Variants in PCDHA4 observed in about 807,000 individuals in gnomAD.
PCDHA4 encodes protocadherin alpha-4.
Under a neutral mutation model 61.4 loss-of-function variants are expected in PCDHA4, and 49 were observed. That is an observed-to-expected ratio of 0.80 (90% CI 0.63 to 1.01). PCDHA4 has a LOEUF of 1.01. PCDHA4 is among the 50% of genes least tolerant of loss of function. The pLI, the probability that PCDHA4 is intolerant of heterozygous loss-of-function variation, is 0.00. For synonymous variants in PCDHA4, 590 were observed against 550.3 expected, an observed-to-expected ratio of 1.07 and a Z score of -1.01; for missense variants, 1,254 against 1,235.8, an observed-to-expected ratio of 1.01 and a Z score of -0.22.
chr5:140,928,158 AC>A, intron 1 of PCDHA4: 7 of 1,614,066 alleles, frequency 4.3e-6, no homozygotes, highest in Non-Finnish European at 5.9e-6. Flanking sequence ...ATAGTGGCTC[AC>A]CCCCACTTAG....
chr5:140,842,856 C>G, intron 1 of PCDHA4: 1 of 1,593,922 alleles, frequency 6.3e-7, no homozygotes, highest in Non-Finnish European at 8.6e-7. Flanking sequence ...TCGGTGCACA[C>G]GGAGAGCGGC....
chr5:140,829,741 G>T (rs1770531825), intron 1 of PCDHA4: 4 of 1,613,668 alleles, frequency 2.5e-6, no homozygotes, highest in Non-Finnish European at 3.4e-6. Context: ...GCAACGTGAC[G>T]CTGCAGGTGT....
At position 140,823,889 on chromosome 5, in the gene PCDHA4, C is replaced by G. The variant is rs2150130096; in HGVS notation, c.2385+14317C>G. ...GTGTACCTGATCATCGCCATCTGTGCGGTGTCCAGCCTGCTGGTGCTCACG... is the reference window on the plus strand; with the variant it reads ...GTGTACCTGATCATCGCCATCTGTGGGGTGTCCAGCCTGCTGGTGCTCACG... On this transcript the variant is annotated intron_variant, in intron 1 of 3. Coordinates refer to ENST00000530339, the MANE Select transcript of PCDHA4 (RefSeq NM_018907.4). 20 of 1,613,944 alleles carry G rather than the reference C, an allele frequency of 1.2e-5. No individual in the cohort carries two copies. The highest frequency in any genetic ancestry group is 1.5e-5 in the Non-Finnish European group (18 of 1,179,938).
At chr5:140,838,792 C>T (rs185646460) in intron 1 of PCDHA4, among the ~76,000 whole-genome samples, 1,842 of 152,048 alleles carry the variant, frequency 0.012, 29 homozygotes, top group Non-Finnish European at 0.019. Flanking sequence ...CATGGTGATG[C>T]ATGTCTGTAG....
rs552604909 is a variant in PCDHA4, at chr5:141,005,474, C to T, written c.2534-4153C>T. ...ATCCCAGCACTTTGGGAGGCCGAGACGGGCGGATCATGAGGTCAGGAGATC... is the reference window on the plus strand; with the variant it reads ...ATCCCAGCACTTTGGGAGGCCGAGATGGGCGGATCATGAGGTCAGGAGATC... On this transcript the variant is annotated intron_variant, in intron 3 of 3. Coordinates refer to ENST00000530339, the MANE Select transcript of PCDHA4 (RefSeq NM_018907.4). 1.6e-3 allele frequency among the ~76,000 whole-genome samples: 236 copies of T among 151,848 alleles called. 1 individual carries two copies. The highest frequency in any genetic ancestry group is 4.9e-3 in the African/African-American group (204 of 41,424).
At chr5:140,821,782 T>C in intron 1 of PCDHA4, 1 of 1,610,160 alleles carries the variant, frequency 6.2e-7, no homozygotes. Context: ...TGAGATGGTA[T>C]ATTCCCGGAG....
In PCDHA4 at chr5:140,809,352, G is replaced by C; in HGVS notation, c.2165G>C (p.Arg722Pro). 1.2e-6 allele frequency: 2 copies of C among 1,614,018 alleles called. No homozygotes were observed. The highest frequency in any genetic ancestry group is 1.7e-6 in the Non-Finnish European group (2 of 1,179,930). The stretch of plus-strand genomic sequence containing the variant: ...ACGCTGCTGCTGTACACCGCGCTGC[G>C]GTGCTCTGCGCTGCCCACCGAGGGC... ...VLTLLLYTAL[R>P]CSALPTEGAC... Residue 722 changes from arginine to proline, a missense_variant, in exon 1 of 4, where the codon CGG becomes CCG. Arg to Pro is a moderately radical substitution (Grantham distance 103). Coordinates refer to ENST00000530339, the MANE Select transcript of PCDHA4 (RefSeq NM_018907.4).
intron 1 of PCDHA4, chr5:140,869,878 ACT>A: frequency 6.2e-7 from 1 of 1,610,122 alleles, no homozygotes; most frequent in Non-Finnish European, 8.5e-7. Context: ...TGCTAAAGAA[ACT>A]CTTGTGCTCA....
In PCDHA4 at chr5:140,915,632, C is replaced by CTCTG. The variant is rs1161142039; in HGVS notation, c.2386-63314_2386-63313insGTCT. 3.9e-3 allele frequency among the ~76,000 whole-genome samples: 565 copies of CTCTG among 144,610 alleles called. 2 individuals are homozygous for CTCTG. Among genetic ancestry groups the CTCTG allele is most frequent in the African/African-American group, 0.016 (538 of 34,672 alleles). 94.9% of individuals were successfully genotyped at this position (144,610 alleles called of 152,430 possible). A position where few individuals can be genotyped will look rare whatever the true frequency, so the allele number is the denominator to read the frequency against. On this transcript the variant is annotated intron_variant, in intron 1 of 3. Coordinates refer to ENST00000530339, the MANE Select transcript of PCDHA4 (RefSeq NM_018907.4). ...TGTCAAACAGTCTCTTTCTGTCTCT[C>CTCTG]TCTCTCTCTCTCTCTCTCTCTCTCA...
intron 1 of PCDHA4, chr5:140,865,728 T>C (rs1052740962): frequency 5.3e-5 from 8 of 152,218 alleles, no homozygotes; most frequent in Admixed American, 4.6e-4. Flanking sequence ...AGCTGAGATG[T>C]GTATCTATTT....
In PCDHA4 at chr5:140,884,064, C is replaced by A. The variant is rs150717183; in HGVS notation, c.2385+74492C>A. On this transcript the variant is annotated intron_variant, in intron 1 of 3. Transcript: ENST00000530339. ...GTGGCGAAGGTGCGCGCGGTGGACGCCGATTCGGGCTACAATGCGTGGCTT... is the reference window on the plus strand; with the variant it reads ...GTGGCGAAGGTGCGCGCGGTGGACGACGATTCGGGCTACAATGCGTGGCTT... 2.3e-3 allele frequency: 3,707 copies of A among 1,613,502 alleles called. 15 individuals carry two copies. Among genetic ancestry groups the A allele is most frequent in the Middle Eastern group, 9.0e-3 (54 of 5,970 alleles).
intron 1 of PCDHA4, among the ~76,000 whole-genome samples, chr5:140,925,071 C>T (rs1554202476): frequency 6.8e-6 from 1 of 148,058 alleles, no homozygotes; most frequent in Non-Finnish European, 1.5e-5. Context: ...CAAAGCAACA[C>T]GCTCATCTGG....
At chr5:140,902,257 C>T (rs1450183542) in intron 1 of PCDHA4, among the ~76,000 whole-genome samples, 2 of 140,176 alleles carry the variant, frequency 1.4e-5, no homozygotes, top group South Asian at 2.2e-4. Context: ...AGGCTGGTCT[C>T]GAACTCCTGG....
chr5:140,892,311 T>C (rs1042617869), intron 1 of PCDHA4, among the ~76,000 whole-genome samples: 1 of 152,222 alleles, frequency 6.6e-6, no homozygotes, highest in Non-Finnish European at 1.5e-5. Flanking sequence ...TTGGGGCTTA[T>C]AACATTTTCT....
At chr5:140,838,075 ATAGTGTGTGTGTGT>A (rs1322257119) in intron 1 of PCDHA4, among the ~76,000 whole-genome samples, 7,901 of 128,220 alleles carry the variant, frequency 0.062, 356 homozygotes, top group Middle Eastern at 0.073. Flanking sequence ...TTATATATAT[ATAGTGTGTGTGTGT>A]GTGTGTGTGT....
At chr5:140,821,883 G>C in intron 1 of PCDHA4, 1 of 1,614,120 alleles carries the variant, frequency 6.2e-7, no homozygotes, top group East Asian at 2.2e-5. Flanking sequence ...CGATCCCGGA[G>C]GAAGCCAAAC....
chr5:140,882,071 A>T (rs2058936449), intron 1 of PCDHA4: 4 of 864,074 alleles, frequency 4.6e-6, no homozygotes, highest in Admixed American at 2.9e-5. Context: ...GTTCATGCGC[A>T]TGGTGTCGCT....
chr5:140,822,820 A>T (rs2150119640), intron 1 of PCDHA4: 47 of 1,614,166 alleles, frequency 2.9e-5, no homozygotes, highest in Non-Finnish European at 3.9e-5. Context: ...TACCCCAGAG[A>T]TGGCCATAAC....
chr5:140,825,170 T>G (rs1391408665), intron 1 of PCDHA4: 1 of 151,844 alleles, frequency 6.6e-6, no homozygotes, highest in African/African-American at 2.4e-5. Flanking sequence ...TTTTTTCATT[T>G]ACTAATGTAT....
Sources: allele counts gnomAD v4.1 joint callset (sites outside exome capture counted in the v4.1 genomes callset), GRCh38; gene constraint gnomAD v4.1.1; transcripts MANE v1.5; gene names NCBI Gene and HGNC (gene_info 2026-07-23, HGNC 2026-07-21).